Variants in WRN observed in about 807,000 individuals in gnomAD.
WRN encodes bifunctional 3'-5' exonuclease/ATP-dependent helicase WRN.
In WRN, 149 loss-of-function variants were observed where a neutral mutation model predicts 180.7. The observed-to-expected ratio is 0.82, with a 90% CI of 0.72 to 0.94. The LOEUF (loss-of-function observed/expected upper bound fraction) is 0.94. Among genes scored for constraint, WRN ranks in the 40% least tolerant of loss-of-function variants. The pLI is 0.00. For missense variants in WRN, 1,661 were observed against 1,700.1 expected, an observed-to-expected ratio of 0.98 and a Z score of 0.40; for synonymous variants, 548 against 568.9, an observed-to-expected ratio of 0.96 and a Z score of 0.52.
At chr8:31,083,918 C>G (rs1585431600) in intron 10 of WRN, 139 bp downstream of exon 10, 1 of 939,562 alleles carries the variant, frequency 1.1e-6, no homozygotes, top group Non-Finnish European at 1.6e-6. Context: ...TTCACATTTT[C>G]CAATTCATGT....
intron 33 of WRN, among the ~76,000 whole-genome samples, chr8:31,158,181 C>T (rs755851843): frequency 6.6e-5 from 10 of 152,188 alleles, no homozygotes; most frequent in Non-Finnish European, 1.3e-4. Flanking sequence ...CTTCCTGACT[C>T]CTAGTTCTTC....
At chr8:31,127,374 G>A (rs1801966605) in intron 23 of WRN, among the ~76,000 whole-genome samples, 1 of 152,060 alleles carries the variant, frequency 6.6e-6, no homozygotes, top group African/African-American at 2.4e-5. Context: ...CTTAAAATGT[G>A]TAGAACTTTA....
chr8:31,167,005 T>C lies in WRN; in HGVS notation c.3983-17T>C, dbSNP rs751499420. ...TCTGTAATTTATTTTGAAATGGAGT[T>C]TTTTTATCGTTTACAGATATGAGTA... On this transcript the variant is annotated splice_polypyrimidine_tract_variant and intron_variant, in intron 33 of 34. Coordinates refer to ENST00000298139, the MANE Select transcript of WRN (RefSeq NM_000553.6). 1 of 1,605,112 alleles carries C rather than the reference T, an allele frequency of 6.2e-7. No individual in the cohort carries two copies. The highest frequency in any genetic ancestry group is 1.1e-5 in the South Asian group (1 of 90,388).
At chr8:31,073,281 A>T (rs573549682) in intron 7 of WRN, among the ~76,000 whole-genome samples, 20 of 152,354 alleles carry the variant, frequency 1.3e-4, no homozygotes, top group South Asian at 2.1e-4. Flanking sequence ...AATAGAGGTG[A>T]TGAGAAGTCG....
chr8:31,120,291 A>G lies in WRN; in HGVS notation c.2497A>G (p.Ile833Val). The change falls in exon 21 of 35, where the codon ATT (isoleucine) becomes GTT (valine). Residue 833 changes from isoleucine (I) to valine (V), a missense_variant. Transcript: ENST00000298139. The part of the protein sequence containing the change: ...AFGMGINKAD[I>V]RQVIHYGAPK... ...TGGAATGGGCATTAATAAAGCTGAC[A>G]TTCGCCAAGTCATTCATTACGGTGC... 2 of 1,613,064 alleles carry G rather than the reference A, an allele frequency of 1.2e-6. No homozygotes were observed. Among genetic ancestry groups the G allele is most frequent in the Non-Finnish European group, 1.7e-6 (2 of 1,179,174 alleles).
At chr8:31,042,081 A>G (rs1811681525) in intron 1 of WRN, among the ~76,000 whole-genome samples, 1 of 152,194 alleles carries the variant, frequency 6.6e-6, no homozygotes, top group South Asian at 2.1e-4. Flanking sequence ...AGTTAGATGA[A>G]AAGATTGTTG....
At chr8:31,143,724 G>T in intron 28 of WRN, 101 bp downstream of exon 28, 1 of 816,286 alleles carries the variant, frequency 1.2e-6, no homozygotes. Flanking sequence ...ATTGGCAAAA[G>T]GAAGTTAAAT....
chr8:31,056,801 A>G lies in WRN; in HGVS notation c.-76-1571A>G, dbSNP rs544970777. The stretch of plus-strand genomic sequence containing the variant: ...CATAAATTAATAAATCCATAATTCC[A>G]GGCTTATTAACAATAAACAATCTAG... On this transcript the variant is annotated intron_variant, in intron 1 of 34. Transcript: ENST00000298139. Among the ~76,000 whole-genome samples the G allele has an allele frequency of 2.6e-5, 4 of 152,342 alleles. No individual in the cohort carries two copies. The East Asian group carries it at 7.7e-4, about 29-fold the overall frequency.
chr8:31,091,977 A>G (rs777538446), intron 16 of WRN, 79 bp downstream of exon 16: 4 of 1,302,244 alleles, frequency 3.1e-6, no homozygotes, highest in Admixed American at 1.7e-5. Flanking sequence ...GGTGAATTAC[A>G]TGTTGCTGAG....
chr8:31,155,926 C>T (rs535530281), intron 32 of WRN, among the ~76,000 whole-genome samples: 137 of 152,254 alleles, frequency 9.0e-4, no homozygotes, highest in Non-Finnish European at 1.7e-3. Context: ...CAGTCCATAG[C>T]TTATCTTACT....
At chr8:31,166,049 GT>G (rs1271700362) in intron 33 of WRN, among the ~76,000 whole-genome samples, 1 of 151,818 alleles carries the variant, frequency 6.6e-6, no homozygotes, top group Non-Finnish European at 1.5e-5. Flanking sequence ...GTTTTGTTTT[GT>G]TTTGTTTTTT....
At chr8:31,111,303 A>T (rs1801306262) in intron 18 of WRN, among the ~76,000 whole-genome samples, 1 of 152,222 alleles carries the variant, frequency 6.6e-6, no homozygotes, top group Non-Finnish European at 1.5e-5. Context: ...ATGTTAAAAA[A>T]TAATAAATGG....
At chr8:31,123,583 G>T (rs1171367425) in intron 21 of WRN, among the ~76,000 whole-genome samples, 1 of 152,072 alleles carries the variant, frequency 6.6e-6, no homozygotes, top group African/African-American at 2.4e-5. Flanking sequence ...AACTCCTTGA[G>T]AATTATGCAG....
chr8:31,058,337 T>A (rs538425690), intron 1 of WRN, 35 bp from the exon 2 acceptor site: 2 of 867,536 alleles, frequency 2.3e-6, no homozygotes, highest in East Asian at 5.3e-5. Flanking sequence ...TATGTATGTT[T>A]GGTTTTCATT....
At chr8:31,035,749 A>T (rs1418916662) in intron 1 of WRN, among the ~76,000 whole-genome samples, 4 of 152,178 alleles carry the variant, frequency 2.6e-5, no homozygotes, top group Admixed American at 2.6e-4. Flanking sequence ...ATTGAGATAT[A>T]ATTAATATAT....
In WRN at chr8:31,039,540, A is replaced by G. The variant is rs541419415; in HGVS notation, c.-77+5567A>G. Among the ~76,000 whole-genome samples, 5 of 152,048 alleles carry G rather than the reference A, an allele frequency of 3.3e-5. No individual in the cohort carries two copies. In the East Asian group the frequency reaches 7.7e-4, roughly 24 times the overall value. ...TTCCTTTCCATTATGGATGCCTTTT[A>G]TTTCTTTTCCATGTCTAATTTCTCT... is the stretch of plus-strand genomic sequence containing the variant. On this transcript the variant is annotated intron_variant, in intron 1 of 34. Coordinates refer to ENST00000298139, the MANE Select transcript of WRN (RefSeq NM_000553.6).
intron 1 of WRN, among the ~76,000 whole-genome samples, chr8:31,035,131 A>G (rs1292708230): frequency 6.6e-6 from 1 of 152,188 alleles, no homozygotes; most frequent in Non-Finnish European, 1.5e-5. Flanking sequence ...TCTAGGCACT[A>G]GAGATACCAA....
chr8:31,140,742 C>T (rs769690131), intron 24 of WRN, among the ~76,000 whole-genome samples: 4 of 151,982 alleles, frequency 2.6e-5, no homozygotes, highest in Non-Finnish European at 5.9e-5. Flanking sequence ...GTTCGCATTG[C>T]GTTTTTTTGT....
intron 30 of WRN, among the ~76,000 whole-genome samples, chr8:31,149,786 T>C (rs1366699102): frequency 6.6e-6 from 1 of 152,082 alleles, no homozygotes; most frequent in African/African-American, 2.4e-5. Flanking sequence ...AGAGGAGATA[T>C]TTAATGAAAA....
Sources: allele counts gnomAD v4.1 joint callset (sites outside exome capture counted in the v4.1 genomes callset), GRCh38; gene constraint gnomAD v4.1.1; transcripts MANE v1.5; gene names NCBI Gene and HGNC (gene_info 2026-07-23, HGNC 2026-07-21).